NUMB: variants seen among roughly 807,000 people sequenced by gnomAD.
NUMB encodes the protein NUMB endocytic adaptor protein, also known as protein numb homolog.
A neutral mutation model predicts 59.7 loss-of-function variants in NUMB; 29 were observed. That is an observed-to-expected ratio of 0.49 (90% CI 0.36 to 0.66). The LOEUF (loss-of-function observed/expected upper bound fraction) is 0.66, where lower values mean the gene tolerates loss of function less well. NUMB is among the 30% of genes least tolerant of loss of function. NUMB has a pLI of 0.00. For synonymous variants in NUMB, 288 were observed against 288.2 expected (o/e 1.00, Z 0.01); for missense variants, 723 against 822.0 (o/e 0.88, Z 1.47).
At position 73,425,809 on chromosome 14, in the gene NUMB, A is replaced by ATTT. The variant is rs71112753; in HGVS notation, c.-232-15744_-232-15742dup. The stretch of plus-strand genomic sequence containing the variant: ...GGGGCTATAATTCTAATTTTATTTA[A>ATTT]TTTTTTTTTTTTTTTTTGAGACAGA... On this transcript the variant is annotated intron_variant, in intron 1 of 12. Coordinates refer to ENST00000555238, the MANE Select transcript of NUMB (RefSeq NM_001005743.2). Among the ~76,000 whole-genome samples, 6 of 138,140 alleles carry ATTT rather than the reference A, an allele frequency of 4.3e-5. 1 individual carries two copies. In the South Asian group the frequency reaches 6.9e-4, roughly 16 times the overall value. 90.6% of individuals were successfully genotyped at this position (138,140 alleles called of 152,430 possible).
intron 7 of NUMB, 35 bp from the exon 8 acceptor site, chr14:73,292,909 T>TA (rs1181691166): frequency 1.2e-6 from 2 of 1,609,314 alleles, no homozygotes; most frequent in East Asian, 4.5e-5. Flanking sequence ...AGAGAAGACT[T>TA]ATGAGGTTAT....
intron 6 of NUMB, 188 bp from the exon 7 acceptor site, chr14:73,297,473 C>A (rs1889858403): frequency 6.6e-6 from 3 of 452,266 alleles, no homozygotes; most frequent in South Asian, 4.0e-5. Flanking sequence ...AAAAAACAAG[C>A]CAAAGCCATT....
At chr14:73,350,070 T>TACACACACACACACACACACACACAC (rs765736029) in intron 4 of NUMB, among the ~76,000 whole-genome samples, 17 of 110,280 alleles carry the variant, frequency 1.5e-4, no homozygotes, top group Middle Eastern at 3.7e-3. Flanking sequence ...TATACATACA[T>TACACACACACACACACACACACACAC]ACATACATAC....
chr14:73,428,238 T>A (rs1432469290), intron 1 of NUMB, among the ~76,000 whole-genome samples: 3 of 152,220 alleles, frequency 2.0e-5, no homozygotes, highest in African/African-American at 7.2e-5. Flanking sequence ...ATCCTAGATC[T>A]GTGTCTGCTA....
At chr14:73,390,945 G>C (rs1243496599) in intron 2 of NUMB, among the ~76,000 whole-genome samples, 1 of 151,716 alleles carries the variant, frequency 6.6e-6, no homozygotes, top group Non-Finnish European at 1.5e-5. Flanking sequence ...CACCACACCT[G>C]GCTGGTCTTA....
chr14:73,430,668 G>A (rs558628922), intron 1 of NUMB, among the ~76,000 whole-genome samples: 8 of 152,064 alleles, frequency 5.3e-5, no homozygotes, highest in African/African-American at 1.2e-4. Flanking sequence ...TGGGCCAGGC[G>A]TGGTGGCTCA....
At chr14:73,330,976 G>A (rs1390576751) in intron 4 of NUMB, among the ~76,000 whole-genome samples, 1 of 152,188 alleles carries the variant, frequency 6.6e-6, no homozygotes, top group Non-Finnish European at 1.5e-5. Context: ...CTGAAGGCCT[G>A]AGAACCTGGG....
chr14:73,416,125 G>A (rs1230021368), intron 1 of NUMB, among the ~76,000 whole-genome samples: 2 of 152,134 alleles, frequency 1.3e-5, no homozygotes, highest in Non-Finnish European at 2.9e-5. Context: ...TAAATTCCAT[G>A]AAGATAAATG....
At chr14:73,408,071 C>A (rs1418773543) in intron 2 of NUMB, among the ~76,000 whole-genome samples, 1 of 151,844 alleles carries the variant, frequency 6.6e-6, no homozygotes, top group Non-Finnish European at 1.5e-5. Context: ...ACTAAAAATA[C>A]AAAAAATTAG....
At chr14:73,376,388 A>G (rs1291805649) in intron 2 of NUMB, among the ~76,000 whole-genome samples, 7 of 152,186 alleles carry the variant, frequency 4.6e-5, no homozygotes, top group Non-Finnish European at 8.8e-5. Flanking sequence ...CTGATTAAAG[A>G]AATCTAAATA....
At chr14:73,292,394 A>G (rs1889458340) in intron 8 of NUMB, among the ~76,000 whole-genome samples, 1 of 152,210 alleles carries the variant, frequency 6.6e-6, no homozygotes, top group South Asian at 2.1e-4. Flanking sequence ...TTTTAATACC[A>G]TACTCATATA....
intron 1 of NUMB, among the ~76,000 whole-genome samples, chr14:73,429,762 G>A (rs1897744417): frequency 6.6e-6 from 1 of 152,040 alleles, no homozygotes; most frequent in Non-Finnish European, 1.5e-5. Context: ...GGCCAACATG[G>A]TGAAACCCCG....
At chr14:73,312,912 A>G (rs946821418) in intron 6 of NUMB, among the ~76,000 whole-genome samples, 29 of 151,986 alleles carry the variant, frequency 1.9e-4, no homozygotes. Flanking sequence ...TAAACAGCTG[A>G]CATATGTATT....
chr14:73,277,123 G>A lies in NUMB; in HGVS notation c.1411C>T (p.Pro471Ser). 6.2e-7 allele frequency: 1 copy of A among 1,613,986 alleles called. No homozygotes were observed. Among genetic ancestry groups the A allele is most frequent in the Non-Finnish European group, 8.5e-7 (1 of 1,179,980 alleles). ...APLQPVLQPP[P>S]PTAISQPASP... ...GCTGGCTGGGAGATGGCAGTGGGTG[G>A]AGGAGGCTGGAGAACTGGCTGCAGA... Residue 471 changes from proline to serine, a missense_variant, in exon 13 of 13, where the codon CCA becomes TCA. Coordinates refer to ENST00000555238, the MANE Select transcript of NUMB (RefSeq NM_001005743.2).
chr14:73,286,204 TTTTTTTTTTTTTTTTTTTTA>T (rs1425009139), intron 9 of NUMB: 1 of 92,862 alleles, frequency 1.1e-5, no homozygotes, highest in South Asian at 3.4e-4. Flanking sequence ...TTTTTTTTTT[TTTTTTTTTTTTTTTTTTTTA>T]AGGGATAGAG....
intron 4 of NUMB, among the ~76,000 whole-genome samples, chr14:73,354,258 C>T (rs558456078): frequency 6.6e-6 from 1 of 152,084 alleles, no homozygotes; most frequent in African/African-American, 2.4e-5. Flanking sequence ...TCTGTAACCC[C>T]AGCACTTTGG....
chr14:73,337,340 A>T (rs1205177674), intron 4 of NUMB, among the ~76,000 whole-genome samples: 1 of 152,086 alleles, frequency 6.6e-6, no homozygotes, highest in Non-Finnish European at 1.5e-5. Flanking sequence ...AATCTCTACT[A>T]AAAATACAAA....
chr14:73,382,363 T>C (rs1213028814), intron 2 of NUMB, among the ~76,000 whole-genome samples: 1 of 151,806 alleles, frequency 6.6e-6, no homozygotes, highest in Admixed American at 6.6e-5. Flanking sequence ...GCCAGGCTGG[T>C]CTTGAACTCC....
chr14:73,451,107 T>C (rs1442888924), intron 1 of NUMB, among the ~76,000 whole-genome samples: 2 of 139,602 alleles, frequency 1.4e-5, no homozygotes, highest in African/African-American at 2.8e-5. Flanking sequence ...TAAGCCAAGA[T>C]TGCACCATTG....
Sources: gnomAD v4.1 joint callset for allele counts (sites outside exome capture counted in the v4.1 genomes callset) on GRCh38, gnomAD v4.1.1 for gene constraint, MANE v1.5 for transcripts, NCBI Gene and HGNC (gene_info 2026-07-23, HGNC 2026-07-21) for gene names.